OSBP2: variants seen among roughly 807,000 people sequenced by gnomAD.
The protein encoded by OSBP2 is oxysterol binding protein 2, also known as oxysterol-binding protein 2.
A neutral mutation model predicts 96.0 loss-of-function variants in OSBP2; 66 were observed. The observed-to-expected ratio is 0.69, with a 90% CI of 0.56 to 0.84. OSBP2 has a LOEUF of 0.84. OSBP2 is among the 40% of genes least tolerant of loss of function. The pLI, the probability that OSBP2 is intolerant of heterozygous loss-of-function variation, is 0.00. For synonymous variants in OSBP2, 525 were observed against 520.9 expected (o/e 1.01, Z -0.11); for missense variants, 1,038 against 1,222.7 (o/e 0.85, Z 2.25).
At chr22:30,722,104 A>G (rs2089560872) in intron 1 of OSBP2, among the ~76,000 whole-genome samples, 1 of 152,162 alleles carries the variant, frequency 6.6e-6, no homozygotes, top group African/African-American at 2.4e-5. Context: ...CCTGTGCCCT[A>G]GAGACCCTGC....
chr22:30,738,142 C>A (rs1460202958), intron 1 of OSBP2, among the ~76,000 whole-genome samples: 5 of 146,602 alleles, frequency 3.4e-5, no homozygotes, highest in African/African-American at 1.3e-4. Context: ...CTTCATTTTT[C>A]TCTCATTTGC....
At chr22:30,864,827 G>A (rs1012782657) in intron 2 of OSBP2, among the ~76,000 whole-genome samples, 2 of 152,168 alleles carry the variant, frequency 1.3e-5, no homozygotes, top group Admixed American at 6.5e-5. Context: ...CACCCATGAG[G>A]GGACGGGTCC....
intron 2 of OSBP2, among the ~76,000 whole-genome samples, chr22:30,848,126 TTC>T (rs1365452395): frequency 6.6e-6 from 1 of 152,302 alleles, no homozygotes; most frequent in Non-Finnish European, 1.5e-5. Context: ...CTATATAATA[TTC>T]TGTTATATTC....
At chr22:30,759,475 C>T (rs949759095) in intron 2 of OSBP2, among the ~76,000 whole-genome samples, 1 of 152,008 alleles carries the variant, frequency 6.6e-6, no homozygotes, top group Non-Finnish European at 1.5e-5. Context: ...ATCAAATTAC[C>T]AACATCAGGA....
At chr22:30,697,686 T>C (rs1459465600) in intron 1 of OSBP2, among the ~76,000 whole-genome samples, 1 of 151,926 alleles carries the variant, frequency 6.6e-6, no homozygotes, top group East Asian at 1.9e-4. Context: ...GAGGAGGGAG[T>C]GAGAACAAGT....
At chr22:30,813,187 T>G in intron 2 of OSBP2, among the ~76,000 whole-genome samples, 1 of 143,352 alleles carries the variant, frequency 7.0e-6, no homozygotes, top group Non-Finnish European at 1.5e-5. Context: ...TTTTTTTTTT[T>G]TTTTTTTTTT....
At chr22:30,794,535 G>A (rs1337046711) in intron 2 of OSBP2, among the ~76,000 whole-genome samples, 1 of 151,666 alleles carries the variant, frequency 6.6e-6, no homozygotes, top group East Asian at 2.0e-4. Flanking sequence ...AAAGTGCTGG[G>A]ATTACAGGCG....
Position 30,895,279 on chromosome 22 carries a change from CAA to C in OSBP2, c.2375+1280_2375+1281del, listed in dbSNP as rs1342622977. ...GAAAGAAGAAGAAGAAGAAAAAAAA[CAA>C]AGAGGGAGATAAAATGAAGATAAAT... On this transcript the variant is annotated intron_variant, in intron 12 of 13. Transcript: ENST00000332585. 5.3e-5 allele frequency among the ~76,000 whole-genome samples: 8 copies of C among 151,808 alleles called. No individual in the cohort carries two copies. The East Asian group carries it at 1.4e-3, about 26-fold the overall frequency.
chr22:30,902,143 A>C (rs991445936), intron 12 of OSBP2: 8 of 377,280 alleles, frequency 2.1e-5, no homozygotes, highest in Non-Finnish European at 3.1e-5. Flanking sequence ...AAAAAACCAA[A>C]AAAAAAAAAC....
chr22:30,888,520 G>A (rs2039867355), intron 5 of OSBP2, among the ~76,000 whole-genome samples, 180 bp downstream of exon 5: 1 of 152,188 alleles, frequency 6.6e-6, no homozygotes, highest in Non-Finnish European at 1.5e-5. Context: ...TTGAATACAA[G>A]AGTTTGAGAC....
chr22:30,805,834 C>T (rs2090921181), intron 2 of OSBP2, among the ~76,000 whole-genome samples: 1 of 152,266 alleles, frequency 6.6e-6, no homozygotes, highest in African/African-American at 2.4e-5. Context: ...AGGAAATGTT[C>T]CCTCCAGGAG....
chr22:30,890,012 C>A lies in OSBP2; in HGVS notation c.1623+376C>A, dbSNP rs1350265065. Among the ~76,000 whole-genome samples the A allele has an allele frequency of 6.6e-6, 1 of 152,156 alleles. No individual in the cohort carries two copies. Among genetic ancestry groups the A allele is most frequent in the African/African-American group, 2.4e-5 (1 of 41,444 alleles). The stretch of plus-strand genomic sequence containing the variant: ...GCCCTCCTTCAGCTGGCAGCCATCC[C>A]TGGTGCCATCCCCAGGAAATGCAGG... On this transcript the variant is annotated intron_variant, in intron 7 of 13. Coordinates refer to ENST00000332585, the MANE Select transcript of OSBP2 (RefSeq NM_030758.4). This position sits in a 1 kb window ranked among gnomAD's most constrained non-coding sequence, Gnocchi z 4.4.
intron 2 of OSBP2, among the ~76,000 whole-genome samples, chr22:30,821,168 G>A (rs980701501): frequency 1.2e-4 from 18 of 152,210 alleles, no homozygotes; most frequent in Non-Finnish European, 2.1e-4. Flanking sequence ...AAGGCAGAGC[G>A]AAGTGGGAGC....
intron 2 of OSBP2, among the ~76,000 whole-genome samples, chr22:30,755,456 G>A (rs1046816033): frequency 6.6e-6 from 1 of 152,190 alleles, no homozygotes; most frequent in Admixed American, 6.5e-5. Flanking sequence ...ATATGAGGAA[G>A]GGCATGGAGT....
chr22:30,771,818 G>C (rs2090350002), intron 2 of OSBP2, among the ~76,000 whole-genome samples: 1 of 152,178 alleles, frequency 6.6e-6, no homozygotes, highest in Non-Finnish European at 1.5e-5. Flanking sequence ...CTCAGGCTTG[G>C]GCTCAGGCTG....
chr22:30,730,810 T>TTA (rs1555908808), intron 1 of OSBP2, among the ~76,000 whole-genome samples: 5 of 54,766 alleles, frequency 9.1e-5, no homozygotes, highest in African/African-American at 1.8e-4. Context: ...ATATATATAA[T>TTA]TTTTTTTTTT....
At chr22:30,715,553 A>ATTT (rs36019275) in intron 1 of OSBP2, among the ~76,000 whole-genome samples, 2 of 142,948 alleles carry the variant, frequency 1.4e-5, no homozygotes, top group East Asian at 2.1e-4. Context: ...TAATTTTTAG[A>ATTT]TTTTTTTTTT....
rs1330057500 is a variant in OSBP2, at chr22:30,695,310, C to A, written c.401C>A (p.Ala134Glu). ...CCGCTCTCCCGGGCGGTGGGGAGCG[C>A]GACCTTTCTCAGACCCGAGTCAGGA... ...SEPLSRAVGS[A>E]TFLRPESGSL... The change falls in exon 1 of 14, where the codon GCG becomes GAG. Residue 134 changes from alanine (A) to glutamate (E), a missense_variant. Ala to Glu is a moderately radical substitution (Grantham distance 107, BLOSUM62 -1). Coordinates refer to ENST00000332585, the MANE Select transcript of OSBP2 (RefSeq NM_030758.4). 1.2e-6 allele frequency: 2 copies of A among 1,613,352 alleles called. No homozygotes were observed.
At chr22:30,747,145 C>T (rs2090013470) in intron 2 of OSBP2, among the ~76,000 whole-genome samples, 2 of 152,172 alleles carry the variant, frequency 1.3e-5, no homozygotes, top group Non-Finnish European at 1.5e-5. Context: ...ACACACTCAG[C>T]AAGCTAGGAA....
Sources: allele counts gnomAD v4.1 joint callset (sites outside exome capture counted in the v4.1 genomes callset), GRCh38; gene constraint gnomAD v4.1.1; non-coding constraint Gnocchi (gnomAD v3.1); transcripts MANE v1.5; gene names NCBI Gene and HGNC (gene_info 2026-07-23, HGNC 2026-07-21).